The following ABRAXAS1 variants were observed in gnomAD, a reference collection of about 807,000 sequenced individuals.
ABRAXAS1 encodes the protein BRCA1-A complex subunit Abraxas 1.
ABRAXAS1 carries 26 observed loss-of-function variants against 38.4 expected under a neutral mutation model. The observed-to-expected ratio is 0.68, with a 90% CI of 0.50 to 0.94. The LOEUF (loss-of-function observed/expected upper bound fraction) is 0.94, where lower values mean the gene tolerates loss of function less well. Ranked by LOEUF, ABRAXAS1 falls within the 40% of genes least tolerant of loss-of-function variation. ABRAXAS1 has a pLI of 0.00. For synonymous variants in ABRAXAS1, 144 were observed against 165.5 expected, an observed-to-expected ratio of 0.87 and a Z score of 1.00; for missense variants, 438 against 481.9, an observed-to-expected ratio of 0.91 and a Z score of 0.85.
At chr4:83,477,844 T>G in intron 2 of ABRAXAS1, 1 of 772,376 alleles carries the variant, frequency 1.3e-6, no homozygotes, top group Non-Finnish European at 2.3e-6. Flanking sequence ...AGCAATTATC[T>G]GTAGAACGTT....
intron 6 of ABRAXAS1, among the ~76,000 whole-genome samples, chr4:83,468,657 T>C (rs1722469792): frequency 6.6e-6 from 1 of 152,198 alleles, no homozygotes; most frequent in Non-Finnish European, 1.5e-5. Flanking sequence ...CTAGAATAGA[T>C]ATGCTAAACT....
At position 83,470,215 on chromosome 4, in the gene ABRAXAS1, T is replaced by G. The variant is rs1330016704; in HGVS notation, c.464A>C (p.Lys155Thr). ...GGCCAACATTTACCCTTTTTGAGGT[T>G]TATATAAGGAATGTTCCAGTCGATG... Reference protein sequence around the residue: ...STHRLEHSLYKPQKGLFHRVP... With the variant: ...STHRLEHSLYTPQKGLFHRVP... The change falls in exon 5 of 9, where the codon AAA (lysine) becomes ACA (threonine). Residue 155 changes from lysine (K) to threonine (T), a missense_variant. Coordinates refer to ENST00000321945, the MANE Select transcript of ABRAXAS1 (RefSeq NM_139076.3). 6.2e-7 allele frequency: 1 copy of G among 1,611,374 alleles called. No individual in the cohort carries two copies. Among genetic ancestry groups the G allele is most frequent in the African/African-American group, 1.3e-5 (1 of 74,876 alleles).
chr4:83,469,023 G>A lies in ABRAXAS1; in HGVS notation c.596+9C>T. The A allele has an allele frequency of 6.2e-7, 1 of 1,607,452 alleles. No individual in the cohort carries two copies. The highest frequency in any genetic ancestry group is 8.5e-7 in the Non-Finnish European group (1 of 1,178,518). Reference sequence around the variant, plus strand: ...ATAGAAGTTTTGTGAGAAAGCAGTTGAATCTTACCTGTGTGTTTGTACTGC... The same window carrying A: ...ATAGAAGTTTTGTGAGAAAGCAGTTAAATCTTACCTGTGTGTTTGTACTGC... On this transcript the variant is annotated intron_variant, in intron 6 of 8. Transcript: ENST00000321945.
chr4:83,475,693 T>C (rs1353586809), intron 3 of ABRAXAS1, among the ~76,000 whole-genome samples: 2 of 152,190 alleles, frequency 1.3e-5, no homozygotes, highest in Non-Finnish European at 2.9e-5. Flanking sequence ...TTTATATAAA[T>C]CATAAAACTA....
intron 7 of ABRAXAS1, among the ~76,000 whole-genome samples, chr4:83,465,691 AAG>A (rs1024402305): frequency 3.3e-5 from 5 of 152,114 alleles, no homozygotes; most frequent in Non-Finnish European, 7.4e-5. Context: ...TGGAGGCTGA[AAG>A]AGGAGGATCA....
At chr4:83,469,705 T>C (rs1490777241) in intron 5 of ABRAXAS1, 1 of 156,214 alleles carries the variant, frequency 6.4e-6, no homozygotes, top group Non-Finnish European at 1.4e-5. Flanking sequence ...TTACCCTATC[T>C]TCCATGAACA....
chr4:83,484,113 C>A (rs1475284688), intron 1 of ABRAXAS1: 17 of 949,310 alleles, frequency 1.8e-5, no homozygotes, highest in Non-Finnish European at 2.0e-5. Context: ...GGTGATTCAC[C>A]CGCCTCGGCT....
chr4:83,470,126 G>A, intron 5 of ABRAXAS1, 77 bp downstream of exon 5: 1 of 1,131,334 alleles, frequency 8.8e-7, no homozygotes, highest in Non-Finnish European at 1.2e-6. Flanking sequence ...AGAACACTTT[G>A]TAAGCTGCAA....
Position 83,462,539 on chromosome 4 carries a change from C to G in ABRAXAS1, c.1160G>C (p.Ser387Thr). The stretch of plus-strand genomic sequence containing the variant: ...TTCAATTTCTTCATCTGTTTCTGGG[C>G]TGCTCATTTTGGATGCTTTATCTTG... ...SNQDKASKMS[S>T]PETDEEIEKM... The change falls in exon 9 of 9, where the codon AGC becomes ACC. Residue 387 changes from serine to threonine, a missense_variant. Physicochemically the swap from Ser to Thr is moderately conservative, Grantham distance 58. This residue lies in a region of ABRAXAS1 where 184 missense variants were observed against 181.9 expected (regional missense o/e 1.01). Transcript: ENST00000321945. 6.2e-7 allele frequency: 1 copy of G among 1,614,128 alleles called. No individual in the cohort carries two copies. The highest frequency in any genetic ancestry group is 8.5e-7 in the Non-Finnish European group (1 of 1,180,014).
chr4:83,477,526 G>C lies in ABRAXAS1; in HGVS notation c.179-847C>G, dbSNP rs541739899. 164 of 448,900 alleles carry C rather than the reference G, an allele frequency of 3.7e-4. 5 individuals carry two copies. The highest frequency in any genetic ancestry group is 2.9e-3 in the South Asian group (159 of 54,344). The allele number at this position is 448,900 out of a possible 1,614,324, so 27.8% of individuals were successfully genotyped here. On this transcript the variant is annotated intron_variant, in intron 2 of 8. Coordinates refer to ENST00000321945, the MANE Select transcript of ABRAXAS1 (RefSeq NM_139076.3). ...AGTCATCTGATGAGCCTGAGCAGCA[G>C]CAAAGTACCACTGTAAGCCATGAGA...
rs780837222 is a variant in ABRAXAS1 at position 83,485,062 on chromosome 4, T to C, written c.11A>G (p.Glu4Gly). Residue 4 changes from glutamate (E) to glycine (G), a missense_variant, in exon 1 of 9, where the codon GAG becomes GGG. Around this residue, in one of 3 missense-constraint regions of ABRAXAS1, gnomAD observed 60 missense variants for 31.1 expected, o/e 1.93. Transcript: ENST00000321945. ...GCCCGAGAGCACCGCCGACGTACTCTCCCCCTCCATGCTACCGCCGCCTCA... is the reference window on the plus strand; with the variant it reads ...GCCCGAGAGCACCGCCGACGTACTCCCCCCCTCCATGCTACCGCCGCCTCA... MEGESTSAVLSGFV... is the reference protein window; with the variant it reads MEGGSTSAVLSGFV... 1.1e-5 allele frequency: 18 copies of C among 1,587,124 alleles called. No homozygotes were observed. Among genetic ancestry groups the C allele is most frequent in the Admixed American group, 3.5e-5 (2 of 57,914 alleles).
chr4:83,465,317 AAAG>A (rs1177128953), intron 7 of ABRAXAS1, among the ~76,000 whole-genome samples: 34 of 151,354 alleles, frequency 2.2e-4, no homozygotes, highest in African/African-American at 7.8e-4. Context: ...AAAAAAAAAA[AAAG>A]AAGAAACTAA....
chr4:83,461,062 G>C lies in ABRAXAS1; in HGVS notation c.*1407C>G, dbSNP rs747724744. On this transcript the variant is annotated 3_prime_UTR_variant, in exon 9 of 9. Transcript: ENST00000321945. ...GAAAGAATACCTCAACAACTGAATT[G>C]AGCTAGCTGAAATTTTGCTCATTAT... 6.2e-7 allele frequency: 1 copy of C among 1,612,314 alleles called. No homozygotes were observed. The highest frequency in any genetic ancestry group is 8.5e-7 in the Non-Finnish European group (1 of 1,178,604).
chr4:83,483,300 A>C (rs1723061722), intron 1 of ABRAXAS1, among the ~76,000 whole-genome samples: 1 of 147,854 alleles, frequency 6.8e-6, no homozygotes, highest in African/African-American at 2.5e-5. Context: ...TTTTTTGAGA[A>C]GAGGTCTAGC....
At chr4:83,468,494 C>T (rs1413643698) in intron 6 of ABRAXAS1, among the ~76,000 whole-genome samples, 3 of 152,056 alleles carry the variant, frequency 2.0e-5, no homozygotes, top group Non-Finnish European at 4.4e-5. Context: ...TACTTCCTTA[C>T]TTAATGGCCA....
At chr4:83,473,529 T>C (rs34803094) in intron 3 of ABRAXAS1, among the ~76,000 whole-genome samples, 36,147 of 151,872 alleles carry the variant, frequency 0.24, 5,401 homozygotes, top group Middle Eastern at 0.34. Flanking sequence ...TAGAAACTGA[T>C]ATAACATGCA....
chr4:83,469,257 C>T (rs1434590480), intron 5 of ABRAXAS1, 106 bp from the exon 6 acceptor site: 27 of 914,912 alleles, frequency 3.0e-5, no homozygotes, highest in Non-Finnish European at 4.5e-5. Flanking sequence ...AAAAATACAC[C>T]CCCCAAAACC....
intron 4 of ABRAXAS1, 80 bp downstream of exon 4, chr4:83,472,142 C>T: frequency 1.2e-6 from 1 of 826,108 alleles, no homozygotes; most frequent in Non-Finnish European, 1.9e-6. Context: ...CTTAAAAATT[C>T]TGTCAAAGTA....
chr4:83,467,082 A>C (rs1007457182), intron 7 of ABRAXAS1: 2 of 168,866 alleles, frequency 1.2e-5, no homozygotes, highest in African/African-American at 4.8e-5. Context: ...CTCGTTCAAC[A>C]AGGGACAGCA....
Sources: allele counts gnomAD v4.1 joint callset (sites outside exome capture counted in the v4.1 genomes callset), GRCh38; gene constraint gnomAD v4.1.1; regional missense constraint gnomAD v4.1.1; transcripts MANE v1.5; gene names NCBI Gene and HGNC (gene_info 2026-07-23, HGNC 2026-07-21).